The following GNG7 variants were observed in gnomAD, a reference collection of about 807,000 sequenced individuals.
GNG7 encodes guanine nucleotide-binding protein G(I)/G(S)/G(O) subunit gamma-7.
GNG7 carries 1 observed loss-of-function variant against 4.0 expected under a neutral mutation model. The observed-to-expected ratio is 0.25, with a 90% CI of 0.09 to 1.18. The LOEUF is 1.18. GNG7 is among the 50% of genes most tolerant of loss of function. GNG7 has a pLI of 0.50. For synonymous variants in GNG7, 34 were observed against 36.9 expected (o/e 0.92, Z 0.29); for missense variants, 86 against 91.9 (o/e 0.94, Z 0.26).
chr19:2,550,524 G>A lies in GNG7; in HGVS notation c.-38+4625C>T, dbSNP rs527337962. Among the ~76,000 whole-genome samples, 78 of 152,048 alleles carry A rather than the reference G, an allele frequency of 5.1e-4. 1 individual carries two copies. The highest frequency in any genetic ancestry group is 1.8e-3 in the African/African-American group (74 of 41,502). ...ATTACAGGCAGGAGCCACCGCTCCC[G>A]GCCACCTCTGCTCACCTCCTCACCA... On this transcript the variant is annotated intron_variant, in intron 3 of 4. Coordinates refer to ENST00000382159, the MANE Select transcript of GNG7 (RefSeq NM_052847.3).
chr19:2,694,088 TTCTC>T (rs1913191167), intron 1 of GNG7, among the ~76,000 whole-genome samples: 1 of 152,086 alleles, frequency 6.6e-6, no homozygotes, highest in South Asian at 2.1e-4. Flanking sequence ...TTATCTTCCT[TTCTC>T]TCTCTGGGGT....
chr19:2,661,296 A>AG (rs1983156476), intron 1 of GNG7, among the ~76,000 whole-genome samples: 2 of 58,592 alleles, frequency 3.4e-5, no homozygotes, highest in African/African-American at 8.8e-5. Context: ...GAAAGAAAGA[A>AG]AGAAAGAGAA....
chr19:2,551,032 A>G lies in GNG7; in HGVS notation c.-38+4117T>C, dbSNP rs560786205. ...AGCAGATGCTGCAGCATAGGGACCT[A>G]ATCCCCACGGCACGTGGCCACATGG... On this transcript the variant is annotated intron_variant, in intron 3 of 4. Coordinates refer to ENST00000382159, the MANE Select transcript of GNG7 (RefSeq NM_052847.3). Among the ~76,000 whole-genome samples, 3 of 152,326 alleles carry G rather than the reference A, an allele frequency of 2.0e-5. No individual in the cohort carries two copies. In the South Asian group the frequency reaches 6.2e-4, roughly 32 times the overall value.
chr19:2,654,408 C>T (rs1018248184), intron 1 of GNG7, among the ~76,000 whole-genome samples: 4 of 152,106 alleles, frequency 2.6e-5, no homozygotes, highest in African/African-American at 9.6e-5. Context: ...CTGCAGGGAG[C>T]TGAACAGCAT....
chr19:2,594,445 A>AGGAG (rs1980953980), intron 2 of GNG7, among the ~76,000 whole-genome samples: 1 of 117,260 alleles, frequency 8.5e-6, no homozygotes, highest in African/African-American at 4.1e-5. Flanking sequence ...GAAGGAAGGA[A>AGGAG]GGAGGAAGAA....
intron 1 of GNG7, among the ~76,000 whole-genome samples, chr19:2,657,129 T>C (rs1982995934): frequency 6.6e-6 from 1 of 150,486 alleles, no homozygotes; most frequent in Non-Finnish European, 1.5e-5. Context: ...AGCCCAAGAG[T>C]TCGAGACCAG....
chr19:2,697,485 G>T (rs1318824617), intron 1 of GNG7, among the ~76,000 whole-genome samples: 1 of 152,186 alleles, frequency 6.6e-6, no homozygotes, highest in African/African-American at 2.4e-5. Flanking sequence ...ACACTCATCG[G>T]TAGGGTCTCC....
intron 2 of GNG7, among the ~76,000 whole-genome samples, chr19:2,607,711 G>T (rs1053191707): frequency 7.2e-5 from 11 of 152,128 alleles, no homozygotes; most frequent in African/African-American, 9.7e-5. Context: ...TGTAGGCTCA[G>T]CCTGGCACTT....
intron 3 of GNG7, among the ~76,000 whole-genome samples, chr19:2,549,457 A>C (rs1568239464): frequency 6.6e-6 from 1 of 151,812 alleles, no homozygotes; most frequent in Non-Finnish European, 1.5e-5. Context: ...CACCCGGCTA[A>C]TTTTTGTATT....
intron 2 of GNG7, among the ~76,000 whole-genome samples, chr19:2,612,850 A>G (rs535973294): frequency 2.0e-5 from 3 of 150,384 alleles, no homozygotes; most frequent in Non-Finnish European, 4.4e-5. Flanking sequence ...CCACCACCAC[A>G]CCCGGCTAAT....
At chr19:2,564,429 A>T (rs1451000534) in intron 2 of GNG7, among the ~76,000 whole-genome samples, 1 of 152,028 alleles carries the variant, frequency 6.6e-6, no homozygotes, top group African/African-American at 2.4e-5. Flanking sequence ...AAAAATACAA[A>T]AATTAGCCAG....
intron 2 of GNG7, among the ~76,000 whole-genome samples, chr19:2,592,416 A>C (rs539754986): frequency 6.6e-6 from 1 of 152,086 alleles, no homozygotes; most frequent in African/African-American, 2.4e-5. Flanking sequence ...CTCCTCCTCT[A>C]AAACCCAAGC....
chr19:2,565,832 G>T (rs1051159078), intron 2 of GNG7, among the ~76,000 whole-genome samples: 48 of 152,248 alleles, frequency 3.2e-4, no homozygotes, highest in African/African-American at 1.2e-3. Context: ...CTTCTGCAGG[G>T]GACGGGCGGA....
At position 2,546,623 on chromosome 19, in the gene GNG7, C is replaced by T. The variant is rs962732666; in HGVS notation, c.-38+8526G>A. 7.9e-5 allele frequency among the ~76,000 whole-genome samples: 12 copies of T among 152,146 alleles called. No homozygotes were observed. Among genetic ancestry groups the T allele is most frequent in the South Asian group, 2.1e-4 (1 of 4,836 alleles). On this transcript the variant is annotated intron_variant, in intron 3 of 4. Coordinates refer to ENST00000382159, the MANE Select transcript of GNG7 (RefSeq NM_052847.3). This position sits in a 1 kb window ranked among gnomAD's most constrained non-coding sequence, Gnocchi z 6.3. ...CACGAGAAAGTGAAAAATAGACCAG[C>T]GGGGCAGGTCCCGCCGCTGCCTTCA... is the stretch of plus-strand genomic sequence containing the variant.
chr19:2,544,094 A>G (rs1979049635), intron 3 of GNG7, among the ~76,000 whole-genome samples: 1 of 152,154 alleles, frequency 6.6e-6, no homozygotes, highest in Non-Finnish European at 1.5e-5. Context: ...CAATGCTTGG[A>G]GTGGAAACGT....
intron 3 of GNG7, among the ~76,000 whole-genome samples, chr19:2,541,032 A>G (rs1978945084): frequency 6.6e-6 from 1 of 152,364 alleles, no homozygotes; most frequent in East Asian, 1.9e-4. Context: ...AAGGACAGGA[A>G]TGTCAAGAAT....
chr19:2,545,578 G>C (rs1297716676), intron 3 of GNG7, among the ~76,000 whole-genome samples: 1 of 150,954 alleles, frequency 6.6e-6, no homozygotes, highest in Non-Finnish European at 1.5e-5. Context: ...CTGAACCTGG[G>C]AGGCAGAGGT....
rs1218993851 is a variant in GNG7, at chr19:2,553,675, ATATGT to A, written c.-38+1469_-38+1473del. 2.9e-5 allele frequency among the ~76,000 whole-genome samples: 4 copies of A among 138,596 alleles called. No individual in the cohort carries two copies. The South Asian group carries it at 6.4e-4, about 22-fold the overall frequency. 90.9% of individuals were successfully genotyped at this position (138,596 alleles called of 152,430 possible). A position where few individuals can be genotyped will look rare whatever the true frequency, so the allele number is the denominator to read the frequency against. ...TACATACATGCACACGTTACATGTAATATGTTATATTACACACATGTGCACATTAC... is the reference window on the plus strand; with the variant it reads ...TACATACATGCACACGTTACATGTAATATATTACACACATGTGCACATTAC... On this transcript the variant is annotated intron_variant, in intron 3 of 4. Coordinates refer to ENST00000382159, the MANE Select transcript of GNG7 (RefSeq NM_052847.3).
At chr19:2,675,583 T>G (rs1455758359) in intron 1 of GNG7, among the ~76,000 whole-genome samples, 1 of 152,192 alleles carries the variant, frequency 6.6e-6, no homozygotes, top group Non-Finnish European at 1.5e-5. Flanking sequence ...ATGACCTAAA[T>G]TGGCTCCTAT....
Sources: allele counts gnomAD v4.1 joint callset (sites outside exome capture counted in the v4.1 genomes callset), GRCh38; gene constraint gnomAD v4.1.1; non-coding constraint Gnocchi (gnomAD v3.1); transcripts MANE v1.5; gene names NCBI Gene and HGNC (gene_info 2026-07-23, HGNC 2026-07-21).